The following MYCBP2 variants were observed in gnomAD, a reference collection of about 807,000 sequenced individuals.
MYCBP2 encodes MYC binding protein 2.
In MYCBP2, 120 loss-of-function variants were observed where a neutral mutation model predicts 525.3. The ratio of observed to expected loss-of-function variants is 0.23; its 90% CI spans 0.20 to 0.27. The LOEUF is 0.27. MYCBP2 is among the 10% of genes least tolerant of loss of function. MYCBP2 has a pLI of 1.00. For synonymous variants in MYCBP2, 1,894 were observed against 1,955.8 expected (o/e 0.97, Z 0.83); for missense variants, 4,149 against 5,657.1 (o/e 0.73, Z 8.55).
chr13:77,164,609 G>A, intron 42 of MYCBP2, 68 bp from the exon 43 acceptor site: 1 of 946,660 alleles, frequency 1.1e-6, no homozygotes, highest in Non-Finnish European at 1.7e-6. Flanking sequence ...TCAACAAAAT[G>A]TGATTTGAAT....
chr13:77,298,665 G>GA (rs2078450844), intron 1 of MYCBP2, among the ~76,000 whole-genome samples: 1 of 152,196 alleles, frequency 6.6e-6, no homozygotes, highest in Admixed American at 6.5e-5. Flanking sequence ...TGCATTTAAA[G>GA]CATCTCTAGC....
intron 52 of MYCBP2, among the ~76,000 whole-genome samples, chr13:77,132,541 G>A (rs1785189877): frequency 6.6e-6 from 1 of 152,202 alleles, no homozygotes; most frequent in Admixed American, 6.5e-5. Context: ...TAAATGCATG[G>A]AGATATACAG....
chr13:77,311,576 T>TTG (rs1300547066), intron 1 of MYCBP2, among the ~76,000 whole-genome samples: 243 of 147,996 alleles, frequency 1.6e-3, no homozygotes, highest in African/African-American at 6.0e-3. Flanking sequence ...TTTTTTTTTT[T>TTG]TTGTTTTTTT....
intron 44 of MYCBP2, among the ~76,000 whole-genome samples, chr13:77,158,902 C>G (rs527971065): frequency 1.3e-5 from 2 of 152,236 alleles, no homozygotes; most frequent in Admixed American, 6.5e-5. Context: ...CTAAGCCTTA[C>G]TAAAGTTAAG....
At chr13:77,051,783 G>T in intron 81 of MYCBP2, 28 bp downstream of exon 81, 2 of 1,533,358 alleles carry the variant, frequency 1.3e-6, no homozygotes, top group Non-Finnish European at 1.8e-6. Flanking sequence ...TTTCTAAACT[G>T]TTGTTTCTAA....
intron 73 of MYCBP2, among the ~76,000 whole-genome samples, chr13:77,063,930 T>A (rs567559739): frequency 1.3e-5 from 2 of 152,348 alleles, no homozygotes; most frequent in African/African-American, 4.8e-5. Context: ...TAGGGATATA[T>A]AGTTTATCTT....
Position 77,180,277 on chromosome 13 carries a change from A to T in MYCBP2, c.4983T>A (p.Val1661=). The change falls in exon 34 of 83, where the codon GTT becomes GTA. Residue 1661 remains valine (V), a synonymous_variant. Transcript: ENST00000544440. ...CAACAATGACCAGCATTTTCTCCAG[A>T]ACTTCACGGAAGCTTGTCATCCCTG... ...NISGMTSFRE[V]LEKMLVIVVL... is the part of the protein sequence containing the mutation. The T allele has an allele frequency of 4.3e-6, 7 of 1,614,162 alleles. No homozygotes were observed. Among genetic ancestry groups the T allele is most frequent in the Non-Finnish European group, 5.9e-6 (7 of 1,180,002 alleles).
chr13:77,051,956 A>G, intron 80 of MYCBP2, 38 bp from the exon 81 acceptor site: 1 of 1,533,224 alleles, frequency 6.5e-7, no homozygotes, highest in Non-Finnish European at 9.0e-7. Flanking sequence ...GCAGGAAAAA[A>G]GAAAACTCTG....
intron 49 of MYCBP2, among the ~76,000 whole-genome samples, chr13:77,142,343 C>T (rs892523455): frequency 6.6e-6 from 1 of 152,118 alleles, no homozygotes; most frequent in Admixed American, 6.5e-5. Flanking sequence ...ATTTGCTGAA[C>T]TAAAGGCTTT....
intron 73 of MYCBP2, among the ~76,000 whole-genome samples, chr13:77,063,744 G>A (rs1410282510): frequency 6.6e-6 from 1 of 152,002 alleles, no homozygotes; most frequent in African/African-American, 2.4e-5. Context: ...GAAAGCAAGA[G>A]ATGTTAAAAT....
chr13:77,247,792 A>T (rs947070507), intron 15 of MYCBP2, among the ~76,000 whole-genome samples: 8 of 152,196 alleles, frequency 5.3e-5, no homozygotes, highest in African/African-American at 1.9e-4. Context: ...TTGACAAAGG[A>T]GCCAAGATGG....
At chr13:77,138,574 C>T (rs989788872) in intron 52 of MYCBP2, among the ~76,000 whole-genome samples, 3 of 152,176 alleles carry the variant, frequency 2.0e-5, no homozygotes, top group African/African-American at 4.8e-5. Flanking sequence ...ATATATAAAA[C>T]GAAGTGTGGG....
At position 77,180,066 on chromosome 13, in the gene MYCBP2, G is replaced by A. The variant is rs1595179225; in HGVS notation, c.5133+61C>T. 21 of 1,366,098 alleles carry A rather than the reference G, an allele frequency of 1.5e-5. No homozygotes were observed. The East Asian group carries it at 4.8e-4, about 31-fold the overall frequency. The allele number at this position is 1,366,098 out of a possible 1,614,324, so 84.6% of individuals were successfully genotyped here. A position where few individuals can be genotyped will look rare whatever the true frequency, so the allele number is the denominator to read the frequency against. ...CACAAAGCCAAAATAGTTGAAAAAA[G>A]AAACTGTGTAAAAAACTTACACATG... On this transcript the variant is annotated intron_variant, in intron 34 of 82. Transcript: ENST00000544440.
intron 59 of MYCBP2, among the ~76,000 whole-genome samples, chr13:77,091,711 C>T (rs932554618): frequency 2.6e-5 from 4 of 151,976 alleles, no homozygotes; most frequent in African/African-American, 9.7e-5. Context: ...TTAATGAATT[C>T]ATTTATTCAT....
intron 1 of MYCBP2, among the ~76,000 whole-genome samples, chr13:77,307,211 AG>A (rs1455878850): frequency 6.6e-6 from 1 of 152,140 alleles, no homozygotes; most frequent in African/African-American, 2.4e-5. Context: ...ACTCTATCCA[AG>A]TATGCACTTC....
chr13:77,090,553 T>C (rs2154118837), intron 59 of MYCBP2: 1 of 211,008 alleles, frequency 4.7e-6, no homozygotes, highest in East Asian at 1.1e-4. Flanking sequence ...AGCACTGGGG[T>C]GGAATTCATG....
At position 77,126,430 on chromosome 13, in the gene MYCBP2, T is replaced by C; in HGVS notation, c.7772A>G (p.Tyr2591Cys). ...MPFLRGGPGM[Y>C]KVVKTGPSGH... ...TGAAGGTCCCGTCTTCACTACCTTG[T>C]ACATGCCTGGCCCTCCTCGCAAGAA... Residue 2591 changes from tyrosine (Y) to cysteine (C), a missense_variant, in exon 53 of 83, where the codon TAC becomes TGC. Tyr to Cys is a radical substitution (Grantham distance 194). This residue lies in a region of MYCBP2 where 692 missense variants were observed against 852.7 expected (regional missense o/e 0.81). Coordinates refer to ENST00000544440, the MANE Select transcript of MYCBP2 (RefSeq NM_015057.5). 1 of 1,614,050 alleles carries C rather than the reference T, an allele frequency of 6.2e-7. No homozygotes were observed. Among genetic ancestry groups the C allele is most frequent in the Non-Finnish European group, 8.5e-7 (1 of 1,179,906 alleles).
At chr13:77,138,720 T>C (rs1359925323) in intron 52 of MYCBP2, among the ~76,000 whole-genome samples, 1 of 152,170 alleles carries the variant, frequency 6.6e-6, no homozygotes. Context: ...ACCACAAATC[T>C]AAATAATAGT....
chr13:77,133,935 A>G (rs1331160776), intron 52 of MYCBP2, among the ~76,000 whole-genome samples: 1 of 152,126 alleles, frequency 6.6e-6, no homozygotes, highest in Admixed American at 6.6e-5. Context: ...ACTTCACCCC[A>G]TGTTATTTAC....
Sources: gnomAD v4.1 joint callset for allele counts (sites outside exome capture counted in the v4.1 genomes callset) on GRCh38, gnomAD v4.1.1 for gene constraint, gnomAD v4.1.1 regional missense constraint, MANE v1.5 for transcripts, NCBI Gene and HGNC (gene_info 2026-07-23, HGNC 2026-07-21) for gene names.